Variants in GPR176 observed in about 807,000 individuals in gnomAD.
The protein encoded by GPR176 is G-protein coupled receptor 176.
In GPR176, 26 loss-of-function variants were observed where a neutral mutation model predicts 35.4. That is an observed-to-expected ratio of 0.74 (90% confidence interval 0.54 to 1.02). The LOEUF is 1.02. GPR176 is among the 50% of genes least tolerant of loss of function. The pLI is 0.00. For missense variants in GPR176, 597 were observed against 665.3 expected (o/e 0.90, Z 1.13); for synonymous variants, 278 against 271.3 (o/e 1.02, Z -0.24).
chr15:39,826,020 G>A (rs1295693316), intron 1 of GPR176, among the ~76,000 whole-genome samples: 2 of 152,156 alleles, frequency 1.3e-5, no homozygotes, highest in Non-Finnish European at 2.9e-5. Flanking sequence ...TCAGAGCCCT[G>A]TCTCTCACAT....
intron 1 of GPR176, among the ~76,000 whole-genome samples, chr15:39,840,024 A>T (rs1030165313): frequency 1.3e-5 from 2 of 152,238 alleles, no homozygotes; most frequent in African/African-American, 2.4e-5. Flanking sequence ...ATGCTTTCAC[A>T]CTACTGGTGG....
intron 1 of GPR176, among the ~76,000 whole-genome samples, chr15:39,831,467 C>T (rs1247239339): frequency 2.0e-5 from 3 of 152,156 alleles, no homozygotes; most frequent in Admixed American, 2.0e-4. Context: ...TCAAAGTCAA[C>T]ATGGTTAAAA....
At chr15:39,865,588 A>T (rs1265742861) in intron 1 of GPR176, among the ~76,000 whole-genome samples, 1 of 152,172 alleles carries the variant, frequency 6.6e-6, no homozygotes, top group Non-Finnish European at 1.5e-5. Context: ...ATGAAAAATT[A>T]TTTAATGGGT....
At chr15:39,827,525 T>C (rs1900751232) in intron 1 of GPR176, among the ~76,000 whole-genome samples, 1 of 152,230 alleles carries the variant, frequency 6.6e-6, no homozygotes, top group Non-Finnish European at 1.5e-5. Context: ...GCATGCCCCA[T>C]CTTCTTCTAT....
chr15:39,810,450 G>C (rs374275937), intron 1 of GPR176, among the ~76,000 whole-genome samples: 1 of 152,074 alleles, frequency 6.6e-6, no homozygotes, highest in Non-Finnish European at 1.5e-5. Flanking sequence ...CTTTTAAACC[G>C]GTTTATTGGC....
At chr15:39,841,056 G>T (rs771448094) in intron 1 of GPR176, among the ~76,000 whole-genome samples, 6 of 152,056 alleles carry the variant, frequency 3.9e-5, no homozygotes, top group African/African-American at 9.7e-5. Flanking sequence ...GCTGCCCTGG[G>T]TCCTCATGCA....
chr15:39,854,367 C>T (rs1325409768), intron 1 of GPR176, among the ~76,000 whole-genome samples: 1 of 152,098 alleles, frequency 6.6e-6, no homozygotes, highest in African/African-American at 2.4e-5. Flanking sequence ...AAATGGTGTC[C>T]AGGGCCTCTC....
intron 1 of GPR176, among the ~76,000 whole-genome samples, chr15:39,897,739 A>G (rs2033161864): frequency 6.6e-6 from 1 of 151,204 alleles, no homozygotes; most frequent in Non-Finnish European, 1.5e-5. Context: ...TCAGCCCCAA[A>G]TATTATTTTT....
chr15:39,900,612 A>G (rs1351592154), intron 1 of GPR176, among the ~76,000 whole-genome samples: 1 of 152,216 alleles, frequency 6.6e-6, no homozygotes, highest in African/African-American at 2.4e-5. Flanking sequence ...AAAGCCAAAC[A>G]GCCCTCAATT....
At chr15:39,911,991 T>C (rs1006250502) in intron 1 of GPR176, among the ~76,000 whole-genome samples, 1 of 152,226 alleles carries the variant, frequency 6.6e-6, no homozygotes, top group Non-Finnish European at 1.5e-5. Flanking sequence ...TTTAACATGA[T>C]TTATTTAGCC....
At chr15:39,894,654 G>A (rs1223088224) in intron 1 of GPR176, 1 of 178,156 alleles carries the variant, frequency 5.6e-6, no homozygotes, top group Non-Finnish European at 1.2e-5. Flanking sequence ...TCACTTCCTA[G>A]ATGTGATGGC....
intron 1 of GPR176, among the ~76,000 whole-genome samples, chr15:39,855,878 A>G (rs931268024): frequency 6.6e-6 from 1 of 152,240 alleles, no homozygotes; most frequent in Non-Finnish European, 1.5e-5. Flanking sequence ...AACACTTACT[A>G]AACTTACTAA....
At chr15:39,820,744 G>A (rs1398576609) in intron 1 of GPR176, among the ~76,000 whole-genome samples, 1 of 152,180 alleles carries the variant, frequency 6.6e-6, no homozygotes, top group Non-Finnish European at 1.5e-5. Flanking sequence ...ACACCTTTTG[G>A]AAAGCAAATC....
chr15:39,887,599 TAAA>T (rs10561003), intron 1 of GPR176, among the ~76,000 whole-genome samples: 1,866 of 141,832 alleles, frequency 0.013, 48 homozygotes, highest in African/African-American at 0.042. Context: ...AATTTAAATT[TAAA>T]AAAAAAAAAA....
At position 39,801,807 on chromosome 15, in the gene GPR176, C is replaced by G; in HGVS notation, c.873G>C (p.Val291=). ...AGACGGAAGTGTCAGGGACATTGAG[C>G]ACAGTCTGGTAGACGACCAGGGTGG... ...PYATLVVYQT[V]LNVPDTSVFL... Residue 291 remains valine, a synonymous_variant, in exon 3 of 3, where the codon GTG becomes GTC. Coordinates refer to ENST00000561100, the MANE Select transcript of GPR176 (RefSeq NM_007223.3). 6.2e-7 allele frequency: 1 copy of G among 1,613,794 alleles called. No homozygotes were observed.
chr15:39,851,813 C>CT (rs1456474537), intron 1 of GPR176, among the ~76,000 whole-genome samples: 1 of 152,176 alleles, frequency 6.6e-6, no homozygotes, highest in Non-Finnish European at 1.5e-5. Context: ...GTTGCCATTT[C>CT]CAGTCATCTC....
At chr15:39,811,609 C>G (rs1291566281) in intron 1 of GPR176, among the ~76,000 whole-genome samples, 1 of 152,126 alleles carries the variant, frequency 6.6e-6, no homozygotes, top group Non-Finnish European at 1.5e-5. Flanking sequence ...ATTTGAGCAT[C>G]ATGTTGGTGC....
At chr15:39,828,750 C>T (rs1019373438) in intron 1 of GPR176, among the ~76,000 whole-genome samples, 5 of 152,196 alleles carry the variant, frequency 3.3e-5, no homozygotes, top group Non-Finnish European at 5.9e-5. Context: ...ATTGGCACAC[C>T]TCACAGGCAA....
In GPR176 at chr15:39,800,780, TTCTC is replaced by T. The variant is rs1310608031; in HGVS notation, c.*348_*351del. ...CCTGCTCCTGTGAGCTCTGAAAGTC[TTCTC>T]TCTGTGTGTTCTCTGCAGAGCCCAG... On this transcript the variant is annotated 3_prime_UTR_variant, in exon 3 of 3. Coordinates refer to ENST00000561100, the MANE Select transcript of GPR176 (RefSeq NM_007223.3). 16 of 204,314 alleles carry T rather than the reference TTCTC, an allele frequency of 7.8e-5. 1 individual carries two copies. In the South Asian group the frequency reaches 8.8e-4, roughly 11 times the overall value. The allele number at this position is 204,314 out of a possible 1,614,324, so 12.7% of individuals were successfully genotyped here.
Sources: gnomAD v4.1 joint callset for allele counts (sites outside exome capture counted in the v4.1 genomes callset) on GRCh38, gnomAD v4.1.1 for gene constraint, MANE v1.5 for transcripts, NCBI Gene and HGNC (gene_info 2026-07-23, HGNC 2026-07-21) for gene names.